The following KIF13A variants were observed in gnomAD, a reference collection of about 807,000 sequenced individuals.
KIF13A encodes the protein kinesin-like protein KIF13A.
Under a neutral mutation model 212.2 loss-of-function variants are expected in KIF13A, and 79 were observed. The ratio of observed to expected loss-of-function variants is 0.37; its 90% CI spans 0.31 to 0.45. The LOEUF (loss-of-function observed/expected upper bound fraction) is 0.45. KIF13A is among the 20% of genes least tolerant of loss of function. The pLI is 1.00. For missense variants in KIF13A, 1,901 were observed against 2,209.0 expected, an observed-to-expected ratio of 0.86 and a Z score of 2.79; for synonymous variants, 789 against 808.6, an observed-to-expected ratio of 0.98 and a Z score of 0.41.
chr6:17,850,639 T>A lies in KIF13A; in HGVS notation c.583-182A>T, dbSNP rs754918197. ...TTCCACCTCACTCAAGACTTTGTAATGTATGAAATGTTTCCCTAATTCTTT... is the reference window on the plus strand; with the variant it reads ...TTCCACCTCACTCAAGACTTTGTAAAGTATGAAATGTTTCCCTAATTCTTT... On this transcript the variant is annotated intron_variant, in intron 7 of 38. Transcript: ENST00000259711. This position sits in a 1 kb window ranked among gnomAD's most constrained non-coding sequence, Gnocchi z 6.2. Among the ~76,000 whole-genome samples, 3 of 152,236 alleles carry A rather than the reference T, an allele frequency of 2.0e-5. No homozygotes were observed. The highest frequency in any genetic ancestry group is 1.3e-4 in the Admixed American group (2 of 15,292).
intron 2 of KIF13A, among the ~76,000 whole-genome samples, chr6:17,959,026 C>A (rs1033457000): frequency 3.3e-5 from 5 of 151,600 alleles, no homozygotes; most frequent in African/African-American, 1.2e-4. Flanking sequence ...CAAGTAGCCT[C>A]CCAAGTAATC....
Position 17,828,209 on chromosome 6 carries a change from G to T in KIF13A, c.1532+31C>A. 6.2e-7 allele frequency: 1 copy of T among 1,600,140 alleles called. No individual in the cohort carries two copies. Among genetic ancestry groups the T allele is most frequent in the Non-Finnish European group, 8.5e-7 (1 of 1,172,294 alleles). ...CTCCTTCTGAAAATAAGGCACACAAGACACGTGAAGTCACCATTTACTTTT... is the reference window on the plus strand; with the variant it reads ...CTCCTTCTGAAAATAAGGCACACAATACACGTGAAGTCACCATTTACTTTT... On this transcript the variant is annotated intron_variant, in intron 14 of 38. Coordinates refer to ENST00000259711, the MANE Select transcript of KIF13A (RefSeq NM_022113.6). This position sits in a 1 kb window ranked among gnomAD's most constrained non-coding sequence, Gnocchi z 4.3.
intron 9 of KIF13A, among the ~76,000 whole-genome samples, chr6:17,847,135 T>A (rs1258777486): frequency 1.3e-5 from 2 of 151,290 alleles, no homozygotes; most frequent in African/African-American, 2.4e-5. Context: ...ACACACACAC[T>A]CTAAATTCCA....
intron 9 of KIF13A, among the ~76,000 whole-genome samples, chr6:17,841,214 A>T (rs1000643274): frequency 7.3e-5 from 11 of 151,722 alleles, no homozygotes; most frequent in African/African-American, 2.7e-4. Flanking sequence ...CTGGAACTAC[A>T]GGTGCATGCC....
intron 2 of KIF13A, among the ~76,000 whole-genome samples, chr6:17,942,335 AAT>A (rs10599616): frequency 0.071 from 10,349 of 145,406 alleles, 416 homozygotes; most frequent in East Asian, 0.17. Flanking sequence ...AACAACAACA[AAT>A]ATATATATAT....
intron 2 of KIF13A, among the ~76,000 whole-genome samples, chr6:17,980,483 C>G (rs1205946027): frequency 6.6e-6 from 1 of 151,908 alleles, no homozygotes; most frequent in Non-Finnish European, 1.5e-5. Flanking sequence ...GGGAGGCAAC[C>G]GCTCCAAGCC....
rs1561757804 is a variant in KIF13A at position 17,915,957 on chromosome 6, AAATAAAAT to A, written c.147-17785_147-17778del. 9.1e-4 allele frequency among the ~76,000 whole-genome samples: 113 copies of A among 123,678 alleles called. 1 individual carries two copies. In the East Asian group the frequency reaches 0.012, roughly 13 times the overall value. 81.1% of individuals were successfully genotyped at this position (123,678 alleles called of 152,430 possible). A position where few individuals can be genotyped will look rare whatever the true frequency, so the allele number is the denominator to read the frequency against. On this transcript the variant is annotated intron_variant, in intron 2 of 38. Transcript: ENST00000259711. This position sits in a 1 kb window ranked among gnomAD's most constrained non-coding sequence, Gnocchi z 4.4. Reference sequence around the variant, plus strand: ...GTCTCAAAAAAAAAAATAAAAATAAAAATAAAATAAAATAAAATAAATTACAGTTCAAA... The same window carrying A: ...GTCTCAAAAAAAAAAATAAAAATAAAAAAATAAAATAAATTACAGTTCAAA...
intron 30 of KIF13A, 89 bp downstream of exon 30, chr6:17,781,088 C>A: frequency 6.5e-7 from 1 of 1,539,378 alleles, no homozygotes; most frequent in Non-Finnish European, 8.9e-7. Flanking sequence ...TCTTTTTCCC[C>A]AAAGCAAACC....
intron 4 of KIF13A, among the ~76,000 whole-genome samples, chr6:17,864,471 G>A (rs908122741): frequency 2.6e-5 from 4 of 152,116 alleles, no homozygotes; most frequent in Non-Finnish European, 5.9e-5. Flanking sequence ...ACCCAACCCT[G>A]AGTCACATAC....
Position 17,855,345 on chromosome 6 carries a change from T to C in KIF13A, c.494+92A>G, listed in dbSNP as rs1768044495. 3.1e-6 allele frequency: 3 copies of C among 979,074 alleles called. No individual in the cohort carries two copies. Among genetic ancestry groups the C allele is most frequent in the Admixed American group, 2.4e-5 (1 of 41,322 alleles). The allele number at this position is 979,074 out of a possible 1,614,324, so 60.6% of individuals were successfully genotyped here. A position where few individuals can be genotyped will look rare whatever the true frequency, so the allele number is the denominator to read the frequency against. On this transcript the variant is annotated intron_variant, in intron 6 of 38. Coordinates refer to ENST00000259711, the MANE Select transcript of KIF13A (RefSeq NM_022113.6). The surrounding 1 kb of genome is among the most constrained non-coding windows in gnomAD (Gnocchi z 4.1). The stretch of plus-strand genomic sequence containing the variant: ...GAAAACCAGTGTAGTCACCAAGAGC[T>C]TAAATACGTATATTCACTTCCAATT...
rs1466694631 is a variant in KIF13A at position 17,951,564 on chromosome 6, C to T, written c.146+35490G>A. The T allele has an allele frequency of 2.4e-6, 1 of 416,800 alleles. No homozygotes were observed. The highest frequency in any genetic ancestry group is 4.3e-6 in the Non-Finnish European group (1 of 234,940). 25.8% of individuals were successfully genotyped at this position (416,800 alleles called of 1,614,324 possible). A position where few individuals can be genotyped will look rare whatever the true frequency, so the allele number is the denominator to read the frequency against. Reference sequence around the variant, plus strand: ...TGTGGCTATCACCACAACTGCAGAACATTCTCAATACCCCCCTCAAAAAAT... The same window carrying T: ...TGTGGCTATCACCACAACTGCAGAATATTCTCAATACCCCCCTCAAAAAAT... On this transcript the variant is annotated intron_variant, in intron 2 of 38. Transcript: ENST00000259711. This position sits in a 1 kb window ranked among gnomAD's most constrained non-coding sequence, Gnocchi z 4.9.
At position 17,772,957 on chromosome 6, in the gene KIF13A, T is replaced by C. The variant is rs1234079107; in HGVS notation, c.4324+521A>G. On this transcript the variant is annotated intron_variant, in intron 36 of 38. Coordinates refer to ENST00000259711, the MANE Select transcript of KIF13A (RefSeq NM_022113.6). The surrounding 1 kb of genome is among the most constrained non-coding windows in gnomAD (Gnocchi z 4.8). ...ATATACCTTATATTTTACCTACTAATATAAGGTATAAGGTAACAGAACCGA... is the reference window on the plus strand; with the variant it reads ...ATATACCTTATATTTTACCTACTAACATAAGGTATAAGGTAACAGAACCGA... Among the ~76,000 whole-genome samples the C allele has an allele frequency of 2.0e-5, 3 of 152,196 alleles. 1 individual carries two copies. Among genetic ancestry groups the C allele is most frequent in the Admixed American group, 1.3e-4 (2 of 15,272 alleles).
chr6:17,910,992 C>T (rs1213292705), intron 2 of KIF13A, among the ~76,000 whole-genome samples: 2 of 151,922 alleles, frequency 1.3e-5, no homozygotes, highest in Non-Finnish European at 2.9e-5. Context: ...CTCGATCTCC[C>T]GACCTCATGA....
In KIF13A at chr6:17,817,104, C is replaced by T. The variant is rs1381359093; in HGVS notation, c.1916G>A (p.Arg639Lys). Reference protein sequence around the residue: ...EQLRQQLSPDRQPQSSGPDRL... With the variant: ...EQLRQQLSPDKQPQSSGPDRL... ...GTCAGGGCCGCTACTCTGTGGCTGC[C>T]TGTCGGGGGAGAGCTGCTGGCGGAG... Residue 639 changes from arginine (R) to lysine (K), a missense_variant, in exon 17 of 39, where the codon AGG becomes AAG. Physicochemically the swap from Arg to Lys is conservative, Grantham distance 26. This residue lies in a region of KIF13A where 534 missense variants were observed against 536.9 expected (regional missense o/e 0.99). Coordinates refer to ENST00000259711, the MANE Select transcript of KIF13A (RefSeq NM_022113.6). 1.2e-6 allele frequency: 2 copies of T among 1,614,006 alleles called. No individual in the cohort carries two copies. Among genetic ancestry groups the T allele is most frequent in the Admixed American group, 1.7e-5 (1 of 60,024 alleles).
Position 17,987,310 on chromosome 6 carries a change from C to G in KIF13A, c.55+99G>C. On this transcript the variant is annotated intron_variant, in intron 1 of 38. Coordinates refer to ENST00000259711, the MANE Select transcript of KIF13A (RefSeq NM_022113.6). The surrounding 1 kb of genome is among the most constrained non-coding windows in gnomAD (Gnocchi z 7.7). Reference sequence around the variant, plus strand: ...GGACGCCGCCTCCGCCCCGGCCCCCCGGCCCCGGCCGCGCTCTCGCCGTCC... The same window carrying G: ...GGACGCCGCCTCCGCCCCGGCCCCCGGGCCCCGGCCGCGCTCTCGCCGTCC... 2 of 970,860 alleles carry G rather than the reference C, an allele frequency of 2.1e-6. No individual in the cohort carries two copies. Among genetic ancestry groups the G allele is most frequent in the Admixed American group, 3.6e-5 (1 of 27,946 alleles). 60.1% of individuals were successfully genotyped at this position (970,860 alleles called of 1,614,324 possible). A position where few individuals can be genotyped will look rare whatever the true frequency, so the allele number is the denominator to read the frequency against.
chr6:17,804,984 T>A (rs1489336200), intron 19 of KIF13A, among the ~76,000 whole-genome samples: 1 of 152,020 alleles, frequency 6.6e-6, no homozygotes, highest in Non-Finnish European at 1.5e-5. Flanking sequence ...TTTTGCCTCA[T>A]CTCCTTTGCC....
At position 17,799,192 on chromosome 6, in the gene KIF13A, G is replaced by T; in HGVS notation, c.2790+74C>A. 1 of 1,015,134 alleles carries T rather than the reference G, an allele frequency of 9.9e-7. No individual in the cohort carries two copies. Among genetic ancestry groups the T allele is most frequent in the Non-Finnish European group, 1.4e-6 (1 of 737,672 alleles). 62.9% of individuals were successfully genotyped at this position (1,015,134 alleles called of 1,614,324 possible). ...TATTATACTTAAAACAAATGCTTGT[G>T]GGGACAACTGATTGTTGAACTGCAC... is the stretch of plus-strand genomic sequence containing the variant. On this transcript the variant is annotated intron_variant, in intron 22 of 38. Coordinates refer to ENST00000259711, the MANE Select transcript of KIF13A (RefSeq NM_022113.6). This position sits in a 1 kb window ranked among gnomAD's most constrained non-coding sequence, Gnocchi z 4.4.
intron 3 of KIF13A, among the ~76,000 whole-genome samples, chr6:17,879,233 C>T (rs1770843674): frequency 6.6e-6 from 1 of 152,162 alleles, no homozygotes; most frequent in African/African-American, 2.4e-5. Flanking sequence ...GTGGGTCTTA[C>T]TTCCAAATCT....
rs981112409 is a variant in KIF13A at position 17,899,875 on chromosome 6, T to A, written c.147-1695A>T. On this transcript the variant is annotated intron_variant, in intron 2 of 38. Coordinates refer to ENST00000259711, the MANE Select transcript of KIF13A (RefSeq NM_022113.6). The surrounding 1 kb of genome is among the most constrained non-coding windows in gnomAD (Gnocchi z 5.2). ...TTCTAAGGAAGTCATGGATTTCCAT[T>A]CTGTACAAAAAACTTGAGATTTCTG... is the stretch of plus-strand genomic sequence containing the variant. 6.6e-6 allele frequency among the ~76,000 whole-genome samples: 1 copy of A among 152,230 alleles called. No homozygotes were observed. Among genetic ancestry groups the A allele is most frequent in the African/African-American group, 2.4e-5 (1 of 41,458 alleles).
Sources: allele counts gnomAD v4.1 joint callset (sites outside exome capture counted in the v4.1 genomes callset), GRCh38; gene constraint gnomAD v4.1.1; regional missense constraint gnomAD v4.1.1; non-coding constraint Gnocchi (gnomAD v3.1); transcripts MANE v1.5; gene names NCBI Gene and HGNC (gene_info 2026-07-23, HGNC 2026-07-21).